Variants in NDE1 observed in about 807,000 individuals in gnomAD.
NDE1 encodes the protein nudE neurodevelopment protein 1, also known as nuclear distribution protein nudE homolog 1.
A neutral mutation model predicts 43.4 loss-of-function variants in NDE1; 28 were observed. That is an observed-to-expected ratio of 0.65 (90% CI 0.48 to 0.89). The LOEUF (loss-of-function observed/expected upper bound fraction) is 0.89, where lower values mean the gene tolerates loss of function less well. Among genes scored for constraint, NDE1 ranks in the 40% least tolerant of loss-of-function variants. The pLI is 0.00. For missense variants in NDE1, 441 were observed against 434.1 expected (o/e 1.02, Z -0.14); for synonymous variants, 184 against 172.0 (o/e 1.07, Z -0.55).
intron 8 of NDE1, chr16:15,721,595 C>G: frequency 6.2e-7 from 1 of 1,614,172 alleles, no homozygotes. Flanking sequence ...TCCCTCTCAT[C>G]CGCGTATTTG....
chr16:15,718,171 C>G, intron 8 of NDE1: 1 of 1,305,366 alleles, frequency 7.7e-7, no homozygotes, highest in Non-Finnish European at 1.1e-6. Context: ...GGCCCTGGAT[C>G]TCTACTCTCA....
intron 3 of NDE1, among the ~76,000 whole-genome samples, chr16:15,676,639 A>G (rs923169425): frequency 4.0e-5 from 6 of 151,724 alleles, no homozygotes; most frequent in Non-Finnish European, 8.8e-5. Context: ...CTGCCCTCCC[A>G]TTGTTGTGGG....
chr16:15,676,063 T>C (rs2037854550), intron 3 of NDE1, among the ~76,000 whole-genome samples: 1 of 152,068 alleles, frequency 6.6e-6, no homozygotes, highest in South Asian at 2.1e-4. Context: ...AGAAGTCAGC[T>C]GGACTGTTCC....
Position 15,706,824 on chromosome 16 carries a change from A to G in NDE1, c.947+9964A>G, listed in dbSNP as rs74713965. On this transcript the variant is annotated intron_variant, in intron 8 of 8. Coordinates refer to ENST00000396354, the MANE Select transcript of NDE1 (RefSeq NM_017668.3). ...TCTATTTGCTAACTGGAAAAGCTTA[A>G]TGGATAAATTTGCTCCCTTGACCTA... Among the ~76,000 whole-genome samples the G allele has an allele frequency of 6.7e-3, 1,027 of 152,314 alleles. 11 individuals carry two copies. The highest frequency in any genetic ancestry group is 0.023 in the African/African-American group (967 of 41,566).
chr16:15,691,243 C>A lies in NDE1; in HGVS notation c.623C>A (p.Ala208Asp). 3.1e-6 allele frequency: 5 copies of A among 1,614,202 alleles called. No individual in the cohort carries two copies. Among genetic ancestry groups the A allele is most frequent in the Non-Finnish European group, 4.2e-6 (5 of 1,180,026 alleles). Residue 208 changes from alanine (A) to aspartate (D), a missense_variant, in exon 6 of 9, where the codon GCC (alanine) becomes GAC (aspartate). Ala to Asp is a moderately radical substitution (Grantham distance 126). Transcript: ENST00000396354. ...EAERTDTAVQ[A>D]TGSVPSTPIA... Reference sequence around the variant, plus strand: ...GAGAGGACAGACACAGCTGTGCAGGCCACGGGCTCCGTGCCGTCCACGCCC... The same window carrying A: ...GAGAGGACAGACACAGCTGTGCAGGACACGGGCTCCGTGCCGTCCACGCCC...
chr16:15,652,008 A>G (rs2036530090), intron 1 of NDE1: 1 of 151,796 alleles, frequency 6.6e-6, no homozygotes, highest in Non-Finnish European at 1.5e-5. Context: ...TCCGGGTTCA[A>G]GTGATTCTTC....
In NDE1 at chr16:15,709,121, T is replaced by C. The variant is rs116441038; in HGVS notation, c.947+12261T>C. Among the ~76,000 whole-genome samples, 4,324 of 151,518 alleles carry C rather than the reference T, an allele frequency of 0.029. 90 individuals carry two copies. The highest frequency in any genetic ancestry group is 0.068 in the South Asian group (327 of 4,776). Reference sequence around the variant, plus strand: ...CGTGCTTGGCTAATTTTTGTATTTTTAGTACAGATGGGGTTGCACTATGTT... The same window carrying C: ...CGTGCTTGGCTAATTTTTGTATTTTCAGTACAGATGGGGTTGCACTATGTT... On this transcript the variant is annotated intron_variant, in intron 8 of 8. Coordinates refer to ENST00000396354, the MANE Select transcript of NDE1 (RefSeq NM_017668.3).
In NDE1 at chr16:15,725,230, T is replaced by C. The variant is rs927736722; in HGVS notation, c.*979T>C. On this transcript the variant is annotated 3_prime_UTR_variant, in exon 9 of 9. Coordinates refer to ENST00000396354, the MANE Select transcript of NDE1 (RefSeq NM_017668.3). Reference sequence around the variant, plus strand: ...ATGAGTTGGGACCCTGGCCCTAGACTCTGTGGTTCTAAGAACTTATTTGAG... The same window carrying C: ...ATGAGTTGGGACCCTGGCCCTAGACCCTGTGGTTCTAAGAACTTATTTGAG... 13 of 602,898 alleles carry C rather than the reference T, an allele frequency of 2.2e-5. No individual in the cohort carries two copies. Among genetic ancestry groups the C allele is most frequent in the African/African-American group, 3.7e-5 (2 of 53,666 alleles). 37.3% of individuals were successfully genotyped at this position (602,898 alleles called of 1,614,324 possible). A position where few individuals can be genotyped will look rare whatever the true frequency, so the allele number is the denominator to read the frequency against.
At chr16:15,666,477 C>T (rs1385136384) in intron 2 of NDE1, among the ~76,000 whole-genome samples, 1 of 152,078 alleles carries the variant, frequency 6.6e-6, no homozygotes, top group African/African-American at 2.4e-5. Context: ...GGCATGGTGG[C>T]ATGTTCTTAT....
rs151058774 is a variant in NDE1 at position 15,724,977 on chromosome 16, C to G, written c.*726C>G. 53 of 1,613,998 alleles carry G rather than the reference C, an allele frequency of 3.3e-5. No individual in the cohort carries two copies. In the African/African-American group the frequency reaches 5.6e-4, roughly 17 times the overall value. ...TCGGCCTCGTTAAGCATCCCTGTGA[C>G]GCTCTCAACTTCATTCTAAGGGTGC... On this transcript the variant is annotated 3_prime_UTR_variant, in exon 9 of 9. Coordinates refer to ENST00000396354, the MANE Select transcript of NDE1 (RefSeq NM_017668.3).
intron 8 of NDE1, among the ~76,000 whole-genome samples, chr16:15,707,487 C>T (rs1488690706): frequency 6.6e-6 from 1 of 152,222 alleles, no homozygotes; most frequent in Non-Finnish European, 1.5e-5. Flanking sequence ...TGATCCCAAT[C>T]AGCTGGTAGG....
intron 8 of NDE1, chr16:15,704,230 A>G: frequency 1.4e-6 from 2 of 1,397,732 alleles, no homozygotes; most frequent in Non-Finnish European, 2.0e-6. Flanking sequence ...ATTGCAATAT[A>G]AATTTTTTTT....
At chr16:15,666,542 G>A (rs991951811) in intron 2 of NDE1, among the ~76,000 whole-genome samples, 2 of 152,108 alleles carry the variant, frequency 1.3e-5, no homozygotes, top group African/African-American at 4.8e-5. Context: ...CTGGGAGGTC[G>A]AGGCTGCAGT....
At chr16:15,698,768 CAAG>C (rs1280584333) in intron 8 of NDE1, among the ~76,000 whole-genome samples, 1 of 150,770 alleles carries the variant, frequency 6.6e-6, no homozygotes, top group Non-Finnish European at 1.5e-5. Flanking sequence ...GGCTGAGGCA[CAAG>C]AATCACTTGA....
chr16:15,683,040 T>G, intron 4 of NDE1, among the ~76,000 whole-genome samples: 1 of 151,378 alleles, frequency 6.6e-6, no homozygotes. Context: ...AGAGATGGGG[T>G]CACACAGTGT....
intron 7 of NDE1, chr16:15,694,712 G>C (rs1315677924): frequency 1.0e-6 from 1 of 985,224 alleles, no homozygotes; most frequent in African/African-American, 1.7e-5. Context: ...GGAATCATTA[G>C]AGCTTCCTGT....
chr16:15,661,386 G>T (rs184889634), intron 1 of NDE1, among the ~76,000 whole-genome samples: 75 of 152,212 alleles, frequency 4.9e-4, no homozygotes, highest in Non-Finnish European at 8.7e-4. Flanking sequence ...CTAACCTCGT[G>T]ATCCACCTGC....
At position 15,725,074 on chromosome 16, in the gene NDE1, T is replaced by C. The variant is rs1386232369; in HGVS notation, c.*823T>C. 1.8e-6 allele frequency: 2 copies of C among 1,120,814 alleles called. No individual in the cohort carries two copies. The highest frequency in any genetic ancestry group is 2.6e-6 in the Non-Finnish European group (2 of 758,082). The allele number at this position is 1,120,814 out of a possible 1,614,324, so 69.4% of individuals were successfully genotyped here. A position where few individuals can be genotyped will look rare whatever the true frequency, so the allele number is the denominator to read the frequency against. ...AGGAGCCCTTTTTACTCAAAACACA[T>C]GGGCTAGTACTTGAGGTGTTCACTG... On this transcript the variant is annotated 3_prime_UTR_variant, in exon 9 of 9. Coordinates refer to ENST00000396354, the MANE Select transcript of NDE1 (RefSeq NM_017668.3).
In NDE1 at chr16:15,724,391, T is replaced by G. The variant is rs753312858; in HGVS notation, c.*140T>G. ...ACGGTGCTGGCAAAGTCCTGCAGCT[T>G]CTTCTTCGAGTCGGAGAGCTACAAG... On this transcript the variant is annotated 3_prime_UTR_variant, in exon 9 of 9. Transcript: ENST00000396354. 10 of 1,613,844 alleles carry G rather than the reference T, an allele frequency of 6.2e-6. No homozygotes were observed. The highest frequency in any genetic ancestry group is 1.7e-5 in the Admixed American group (1 of 59,988).
Sources: gnomAD v4.1 joint callset for allele counts (sites outside exome capture counted in the v4.1 genomes callset) on GRCh38, gnomAD v4.1.1 for gene constraint, MANE v1.5 for transcripts, NCBI Gene and HGNC (gene_info 2026-07-23, HGNC 2026-07-21) for gene names.